SMCHD1: variants seen among roughly 807,000 people sequenced by gnomAD.
SMCHD1 encodes structural maintenance of chromosomes flexible hinge domain-containing protein 1.
A neutral mutation model predicts 254.7 loss-of-function variants in SMCHD1; 78 were observed. The observed-to-expected ratio is 0.31, with a 90% confidence interval of 0.26 to 0.37. The LOEUF (loss-of-function observed/expected upper bound fraction) is 0.37. Ranked by LOEUF, SMCHD1 falls within the 10% of genes least tolerant of loss-of-function variation. The probability of loss-of-function intolerance (pLI) is 1.00; values close to 1 mark genes in which losing one functional copy is unlikely to be tolerated. For missense variants in SMCHD1, 1,840 were observed against 2,408.1 expected (o/e 0.76, Z 4.94); for synonymous variants, 766 against 794.9 (o/e 0.96, Z 0.61).
chr18:2,714,116 A>G (rs2074742974), intron 17 of SMCHD1, among the ~76,000 whole-genome samples: 1 of 152,030 alleles, frequency 6.6e-6, no homozygotes, highest in African/African-American at 2.4e-5. Flanking sequence ...TTATTATTGT[A>G]TTGCTTTCTA....
At chr18:2,664,359 G>GTT (rs144254713) in intron 1 of SMCHD1, among the ~76,000 whole-genome samples, 167 of 148,224 alleles carry the variant, frequency 1.1e-3, no homozygotes, top group Middle Eastern at 0.01. Flanking sequence ...CATTAAATTT[G>GTT]TTTTTTTTTT....
Position 2,718,302 on chromosome 18 carries a change from T to TTAA in SMCHD1, c.2339-11_2339-9dup, listed in dbSNP as rs772551715. On this transcript the variant is annotated splice_polypyrimidine_tract_variant and intron_variant, in intron 18 of 47. Transcript: ENST00000320876. The surrounding 1 kb of genome is among the most constrained non-coding windows in gnomAD (Gnocchi z 4.6). ...TGTTGACTTGATTTTTAATTTCTTC[T>TTAA]TAATTTATCCAGAAAATATTCAGAA... 2 of 1,608,244 alleles carry TTAA rather than the reference T, an allele frequency of 1.2e-6. No individual in the cohort carries two copies. The highest frequency in any genetic ancestry group is 2.7e-5 in the African/African-American group (2 of 74,718).
intron 42 of SMCHD1, among the ~76,000 whole-genome samples, chr18:2,776,979 C>T (rs1051201541): frequency 2.0e-5 from 3 of 152,032 alleles, no homozygotes; most frequent in African/African-American, 7.2e-5. Flanking sequence ...TCATAGCTCA[C>T]TGTAGCCTCA....
chr18:2,703,461 C>CA (rs367759537), intron 12 of SMCHD1, among the ~76,000 whole-genome samples: 69 of 152,198 alleles, frequency 4.5e-4, no homozygotes, highest in African/African-American at 1.6e-3. Context: ...TGATATTGAC[C>CA]AGGGATACCT....
At chr18:2,675,801 C>T (rs1443663490) in intron 5 of SMCHD1, among the ~76,000 whole-genome samples, 1 of 152,154 alleles carries the variant, frequency 6.6e-6, no homozygotes. Context: ...CAAATCTTAA[C>T]TGAATTCATG....
chr18:2,776,799 A>G (rs2143776520), intron 42 of SMCHD1, among the ~76,000 whole-genome samples: 1 of 152,334 alleles, frequency 6.6e-6, no homozygotes, highest in Middle Eastern at 3.4e-3. Flanking sequence ...ACTCAGATCT[A>G]TCAGATTCTA....
chr18:2,768,673 CTATATACTATACTACTAGTATAGT>C (rs2075919069), intron 37 of SMCHD1, among the ~76,000 whole-genome samples: 1 of 150,396 alleles, frequency 6.6e-6, no homozygotes, highest in Non-Finnish European at 1.5e-5. Flanking sequence ...ATATAGTGTA[CTATATACTATACTACTAGTATAGT>C]ACTATATACT....
intron 38 of SMCHD1, 68 bp from the exon 39 acceptor site, chr18:2,769,921 C>G: frequency 6.6e-7 from 1 of 1,522,568 alleles, no homozygotes; most frequent in Non-Finnish European, 8.8e-7. Flanking sequence ...GCTATCTAAC[C>G]ACTTTATGAC....
At chr18:2,669,745 A>G (rs1041989361) in intron 3 of SMCHD1, among the ~76,000 whole-genome samples, 5 of 152,288 alleles carry the variant, frequency 3.3e-5, no homozygotes, top group East Asian at 3.9e-4. Context: ...CCAGCTGCCC[A>G]TGTGGCATCT....
intron 25 of SMCHD1, among the ~76,000 whole-genome samples, chr18:2,736,944 T>C (rs1383425757): frequency 6.6e-6 from 1 of 152,164 alleles, no homozygotes; most frequent in Non-Finnish European, 1.5e-5. Context: ...TACGTGCAGT[T>C]TTCTGTTTAT....
chr18:2,722,566 C>T lies in SMCHD1; in HGVS notation c.2506C>T (p.Arg836Cys), dbSNP rs777201756. Residue 836 changes from arginine (R) to cysteine (C), a missense_variant, in exon 20 of 48, where the codon CGT becomes TGT. Arg to Cys is a radical substitution (Grantham distance 180, BLOSUM62 -3). Coordinates refer to ENST00000320876, the MANE Select transcript of SMCHD1 (RefSeq NM_015295.3). ...FSFGLLDLPF[R>C]VGVPFNIPLE... ...ATTTGGTCTTCTGGATCTTCCTTTT[C>T]GTGTTGGAGTTCCATTTAATATCCC... 13 of 1,612,936 alleles carry T rather than the reference C, an allele frequency of 8.1e-6. No homozygotes were observed. Among genetic ancestry groups the T allele is most frequent in the African/African-American group, 5.3e-5 (4 of 74,862 alleles).
intron 17 of SMCHD1, among the ~76,000 whole-genome samples, chr18:2,713,125 CTGT>C (rs1478583912): frequency 2.0e-5 from 3 of 152,148 alleles, no homozygotes; most frequent in African/African-American, 4.8e-5. Flanking sequence ...TTACGTAAGT[CTGT>C]TGTTGTAGAT....
chr18:2,661,335 TAAAAA>T (rs34594870), intron 1 of SMCHD1, among the ~76,000 whole-genome samples: 2 of 144,322 alleles, frequency 1.4e-5, no homozygotes, highest in Non-Finnish European at 3.1e-5. Flanking sequence ...TCCAGGAACT[TAAAAA>T]AAAAAAAAGA....
At chr18:2,660,098 CG>C (rs2073201915) in intron 1 of SMCHD1, among the ~76,000 whole-genome samples, 1 of 152,068 alleles carries the variant, frequency 6.6e-6, no homozygotes, top group South Asian at 2.1e-4. Context: ...CCAAGGCGGG[CG>C]GATCACCTGA....
chr18:2,676,267 A>G (rs2143858722), intron 5 of SMCHD1, among the ~76,000 whole-genome samples: 1 of 152,332 alleles, frequency 6.6e-6, no homozygotes, highest in South Asian at 2.1e-4. Flanking sequence ...CATTTCAGTT[A>G]TTATTACTAT....
At chr18:2,743,373 T>C (rs1423520573) in intron 28 of SMCHD1, among the ~76,000 whole-genome samples, 1 of 151,362 alleles carries the variant, frequency 6.6e-6, no homozygotes. Context: ...GAGCCTCTTA[T>C]TAAGGTATCA....
chr18:2,697,683 T>G (rs1331955954), intron 9 of SMCHD1, 148 bp from the exon 10 acceptor site: 1 of 611,848 alleles, frequency 1.6e-6, no homozygotes, highest in East Asian at 2.8e-5. Context: ...GCTGTTTAAC[T>G]CATATGTAAA....
intron 1 of SMCHD1, among the ~76,000 whole-genome samples, chr18:2,660,560 G>A (rs543490793): frequency 1.2e-4 from 17 of 139,436 alleles, no homozygotes; most frequent in Non-Finnish European, 2.3e-4. Context: ...TGCAACCTCC[G>A]CCTCCCAAGT....
chr18:2,778,486 T>C (rs533505475), intron 44 of SMCHD1, among the ~76,000 whole-genome samples: 1 of 152,238 alleles, frequency 6.6e-6, no homozygotes, highest in Non-Finnish European at 1.5e-5. Context: ...AAAAAAGTAC[T>C]GTCAGGTAAT....
Sources: allele counts gnomAD v4.1 joint callset (sites outside exome capture counted in the v4.1 genomes callset), GRCh38; gene constraint gnomAD v4.1.1; non-coding constraint Gnocchi (gnomAD v3.1); transcripts MANE v1.5; gene names NCBI Gene and HGNC (gene_info 2026-07-23, HGNC 2026-07-21).